The following ERBB3 variants were observed in gnomAD, a reference collection of about 807,000 sequenced individuals.
The protein encoded by ERBB3 is erb-b2 receptor tyrosine kinase 3.
A neutral mutation model predicts 156.7 loss-of-function variants in ERBB3; 96 were observed. The ratio of observed to expected loss-of-function variants is 0.61; its 90% confidence interval spans 0.52 to 0.73. ERBB3 has a LOEUF of 0.73. Among genes scored for constraint, ERBB3 ranks in the 30% least tolerant of loss-of-function variants. ERBB3 has a pLI of 0.00. For synonymous variants in ERBB3, 567 were observed against 632.0 expected, an observed-to-expected ratio of 0.90 and a Z score of 1.54; for missense variants, 1,406 against 1,709.4, an observed-to-expected ratio of 0.82 and a Z score of 3.13.
Position 56,100,048 on chromosome 12 carries a change from A to T in ERBB3, c.3129+19A>T. 6.2e-7 allele frequency: 1 copy of T among 1,612,558 alleles called. No individual in the cohort carries two copies. Among genetic ancestry groups the T allele is most frequent in the Non-Finnish European group, 8.5e-7 (1 of 1,178,770 alleles). Reference sequence around the variant, plus strand: ...ACGTGGGGTAAGACAACTTCTAATTACCCAACACTTTGCACCCTGAGCCCT... The same window carrying T: ...ACGTGGGGTAAGACAACTTCTAATTTCCCAACACTTTGCACCCTGAGCCCT... On this transcript the variant is annotated intron_variant, in intron 25 of 27. Coordinates refer to ENST00000267101, the MANE Select transcript of ERBB3 (RefSeq NM_001982.4).
intron 9 of ERBB3, among the ~76,000 whole-genome samples, chr12:56,091,302 T>TATATATATATATAAATA (rs1565858549): frequency 2.3e-5 from 2 of 85,788 alleles, no homozygotes; most frequent in African/African-American, 9.5e-5. Context: ...ATATAAATAA[T>TATATATATATATAAATA]ATATATAAAT....
chr12:56,080,986 G>C (rs1868347057), intron 1 of ERBB3, among the ~76,000 whole-genome samples: 1 of 152,212 alleles, frequency 6.6e-6, no homozygotes, highest in Non-Finnish European at 1.5e-5. Flanking sequence ...ACAGAGGCTG[G>C]CGCCCCCTTT....
chr12:56,100,471 G>A (rs930056728), intron 26 of ERBB3, among the ~76,000 whole-genome samples: 6 of 151,884 alleles, frequency 4.0e-5, no homozygotes, highest in Admixed American at 2.0e-4. Context: ...GTGAAACCCC[G>A]TCTCTACCCA....
intron 19 of ERBB3, 26 bp from the exon 20 acceptor site, chr12:56,097,019 T>C: frequency 6.2e-7 from 1 of 1,612,424 alleles, no homozygotes; most frequent in South Asian, 1.1e-5. Flanking sequence ...GTTGGTTTCC[T>C]AGATAATACC....
In ERBB3 at chr12:56,102,499, CT is replaced by C. The variant is rs1006635136; in HGVS notation, c.*445del. 1.2e-4 allele frequency: 29 copies of C among 246,534 alleles called. No homozygotes were observed. Among genetic ancestry groups the C allele is most frequent in the African/African-American group, 6.2e-4 (28 of 45,332 alleles). 15.3% of individuals were successfully genotyped at this position (246,534 alleles called of 1,614,324 possible). ...ATTTTGGTTTATGACTCTTAACCCCCTAGAAAGACAGAAGCTTAAAATCTGT... is the reference window on the plus strand; with the variant it reads ...ATTTTGGTTTATGACTCTTAACCCCCAGAAAGACAGAAGCTTAAAATCTGT... On this transcript the variant is annotated 3_prime_UTR_variant, in exon 28 of 28. Coordinates refer to ENST00000267101, the MANE Select transcript of ERBB3 (RefSeq NM_001982.4).
Position 56,101,240 on chromosome 12 carries a change from C to A in ERBB3, c.3381C>A (p.Arg1127=). 6.2e-7 allele frequency: 1 copy of A among 1,614,082 alleles called. No individual in the cohort carries two copies. The highest frequency in any genetic ancestry group is 8.5e-7 in the Non-Finnish European group (1 of 1,179,996). Residue 1127 remains arginine, a synonymous_variant, in exon 27 of 28, where the codon CGC becomes CGA. Transcript: ENST00000267101. The part of the protein sequence containing the change: ...SRSRSRSPRP[R]GDSAYHSQRH... ...GCAGGAGCCGGAGCCCACGGCCACG[C>A]GGAGATAGCGCCTACCATTCCCAGC...
intron 23 of ERBB3, among the ~76,000 whole-genome samples, chr12:56,099,303 T>C (rs1415066903): frequency 6.6e-6 from 1 of 151,358 alleles, no homozygotes; most frequent in African/African-American, 2.4e-5. Flanking sequence ...CTTATGGCTC[T>C]ATTCCTTTTT....
At chr12:56,101,003 CTT>C in intron 26 of ERBB3, 56 bp from the exon 27 acceptor site, 1 of 851,028 alleles carries the variant, frequency 1.2e-6, no homozygotes, top group Non-Finnish European at 1.8e-6. Flanking sequence ...ACAAATCTCT[CTT>C]CTTTCCTCAT....
At position 56,094,127 on chromosome 12, in the gene ERBB3, G is replaced by T; in HGVS notation, c.1642G>T (p.Glu548Ter). ...GCCTCGAGAATTTGCCCATGAGGCC[G>T]AATGCTTCTCCTGCCACCCGGAATG... ...GEPREFAHEAECFSCHPECQP... is the reference protein window; with the variant it reads ...GEPREFAHEA The change falls in exon 14 of 28, where the codon GAA becomes TAA. Residue 548 changes from glutamate to a stop codon, truncating the protein, a stop_gained. Transcript: ENST00000267101. LOFTEE classifies it high-confidence loss of function. 6.2e-7 allele frequency: 1 copy of T among 1,614,026 alleles called. No individual in the cohort carries two copies. The highest frequency in any genetic ancestry group is 8.5e-7 in the Non-Finnish European group (1 of 1,179,988).
intron 22 of ERBB3, 66 bp downstream of exon 22, chr12:56,098,641 C>G: frequency 6.4e-7 from 1 of 1,574,292 alleles, no homozygotes; most frequent in African/African-American, 1.3e-5. Context: ...TTTTGAGACC[C>G]CCTCTTAGAA....
chr12:56,098,945 C>CTTTTTTTTTTTTTTTTTTTTTTT, intron 23 of ERBB3, 40 bp downstream of exon 23: 1 of 1,411,792 alleles, frequency 7.1e-7, no homozygotes, highest in Non-Finnish European at 9.6e-7. Flanking sequence ...CTCTTTTTTT[C>CTTTTTTTTTTTTTTTTTTTTTTT]TTTTTTTTTC....
Position 56,103,038 on chromosome 12 carries a change from C to T in ERBB3, c.*983C>T. 1 of 229,680 alleles carries T rather than the reference C, an allele frequency of 4.4e-6. No homozygotes were observed. Among genetic ancestry groups the T allele is most frequent in the Non-Finnish European group, 8.6e-6 (1 of 115,672 alleles). 14.2% of individuals were successfully genotyped at this position (229,680 alleles called of 1,614,324 possible). A position where few individuals can be genotyped will look rare whatever the true frequency, so the allele number is the denominator to read the frequency against. The stretch of plus-strand genomic sequence containing the variant: ...AGCAGTAGATCCAGGATGCAAAATC[C>T]TCCCAATTCCTGTGCATGTGCTCTT... On this transcript the variant is annotated 3_prime_UTR_variant, in exon 28 of 28. Transcript: ENST00000267101.
chr12:56,080,638 C>G (rs1868342924), intron 1 of ERBB3, among the ~76,000 whole-genome samples: 1 of 152,218 alleles, frequency 6.6e-6, no homozygotes, highest in Non-Finnish European at 1.5e-5. Context: ...CCAGAAGAGG[C>G]TGAGGCCGAA....
rs2136828921 is a variant in ERBB3, at chr12:56,101,216, C to T, written c.3357C>T (p.Ser1119=). Residue 1119 remains serine (S), a synonymous_variant, in exon 27 of 28, where the codon AGC becomes AGT. Transcript: ENST00000267101. ...QEKVSMCRSR[S]RSRSPRPRGD... ...AAGTGTCAATGTGTAGGAGCCGGAG[C>T]AGGAGCCGGAGCCCACGGCCACGCG... 1 of 1,613,630 alleles carries T rather than the reference C, an allele frequency of 6.2e-7. No homozygotes were observed. The highest frequency in any genetic ancestry group is 8.5e-7 in the Non-Finnish European group (1 of 1,179,734).
rs1339693097 is a variant in ERBB3, at chr12:56,102,901, A to G, written c.*846A>G. On this transcript the variant is annotated 3_prime_UTR_variant, in exon 28 of 28. Transcript: ENST00000267101. The stretch of plus-strand genomic sequence containing the variant: ...CAGCACTTTGGGAGGCTGAGATGGG[A>G]AGATCACTTGAGCCCAGAATTAGAG... 1 of 215,736 alleles carries G rather than the reference A, an allele frequency of 4.6e-6. No homozygotes were observed. The highest frequency in any genetic ancestry group is 2.3e-5 in the African/African-American group (1 of 44,112). 13.4% of individuals were successfully genotyped at this position (215,736 alleles called of 1,614,324 possible).
chr12:56,091,333 A>AT (rs368223565), intron 9 of ERBB3, among the ~76,000 whole-genome samples: 337 of 4,954 alleles, frequency 0.068, 39 homozygotes, highest in South Asian at 0.13. Context: ...ATATATAAAT[A>AT]ATATATATAA....
chr12:56,098,132 C>T (rs547823901), intron 21 of ERBB3, 192 bp downstream of exon 21: 51 of 626,390 alleles, frequency 8.1e-5, no homozygotes, highest in South Asian at 5.1e-4. Context: ...TGGCCGGGCG[C>T]GGTGGCTCAC....
At chr12:56,098,305 G>A (rs1196402164) in intron 21 of ERBB3, 195 bp from the exon 22 acceptor site, 3 of 601,462 alleles carry the variant, frequency 5.0e-6, no homozygotes, top group Admixed American at 2.9e-5. Context: ...CCAGCTACTC[G>A]GGAGGCTGAG....
Position 56,085,430 on chromosome 12 carries a change from C to T in ERBB3, c.421+249C>T, listed in dbSNP as rs79581177. On this transcript the variant is annotated intron_variant, in intron 3 of 27. Transcript: ENST00000267101. ...TGGAGTCAGAGCTGGATCTGTTAAC[C>T]GTTTTTCTAATTTCAAAGTACAGTG... The T allele has an allele frequency of 0.017, 23,724 of 1,419,200 alleles. 222 individuals carry two copies. Among genetic ancestry groups the T allele is most frequent in the Middle Eastern group, 0.034 (139 of 4,144 alleles). The allele number at this position is 1,419,200 out of a possible 1,614,324, so 87.9% of individuals were successfully genotyped here. A position where few individuals can be genotyped will look rare whatever the true frequency, so the allele number is the denominator to read the frequency against.
Sources: allele counts gnomAD v4.1 joint callset (sites outside exome capture counted in the v4.1 genomes callset), GRCh38; gene constraint gnomAD v4.1.1; transcripts MANE v1.5; gene names NCBI Gene and HGNC (gene_info 2026-07-23, HGNC 2026-07-21).